HS6ST2: variants seen among roughly 807,000 people sequenced by gnomAD.
The protein encoded by HS6ST2 is heparan-sulfate 6-O-sulfotransferase 2.
In HS6ST2, 17 loss-of-function variants were observed where a neutral mutation model predicts 33.0. That is an observed-to-expected ratio of 0.52 (90% CI 0.35 to 0.77). The LOEUF is 0.77. Ranked by LOEUF, HS6ST2 falls within the 30% of genes least tolerant of loss-of-function variation. The pLI is 0.01. For missense variants in HS6ST2, 519 were observed against 551.7 expected (o/e 0.94, Z 0.59); for synonymous variants, 248 against 237.1 (o/e 1.05, Z -0.42).
At chrX:132,897,510 G>T (rs1268356273) in intron 2 of HS6ST2, among the ~76,000 whole-genome samples, 2 of 111,482 alleles carry the variant, frequency 1.8e-5, no homozygotes, top group African/African-American at 6.5e-5. Flanking sequence ...AATAGTAATA[G>T]CACCCACCTC....
intron 3 of HS6ST2, among the ~76,000 whole-genome samples, chrX:132,686,743 G>C (rs2064018987): frequency 9.0e-6 from 1 of 111,519 alleles, no homozygotes; most frequent in Admixed American, 9.5e-5. Flanking sequence ...AGTGGGAAAT[G>C]GCAGAGTACA....
At chrX:132,684,635 T>C (rs886087223) in intron 3 of HS6ST2, among the ~76,000 whole-genome samples, 1 of 110,905 alleles carries the variant, frequency 9.0e-6, no homozygotes, top group Non-Finnish European at 1.9e-5. Flanking sequence ...CCTTGTACCA[T>C]TGCATTTGGG....
intron 2 of HS6ST2, among the ~76,000 whole-genome samples, chrX:132,913,448 C>G (rs996073524): frequency 2.7e-5 from 3 of 112,718 alleles, no homozygotes; most frequent in African/African-American, 9.6e-5. Flanking sequence ...AGGTTGTTGG[C>G]ATCCCTGTTC....
chrX:132,913,309 C>T (rs1001894551), intron 2 of HS6ST2, among the ~76,000 whole-genome samples: 3 of 112,310 alleles, frequency 2.7e-5, no homozygotes, highest in African/African-American at 3.2e-5. Flanking sequence ...CCAGCCTAGC[C>T]CTGGGGCTGC....
At chrX:132,803,417 TTTA>T (rs1171156452) in intron 2 of HS6ST2, among the ~76,000 whole-genome samples, 2 of 110,935 alleles carry the variant, frequency 1.8e-5, no homozygotes, top group Non-Finnish European at 1.9e-5. Context: ...TTTATTTTAT[TTTA>T]TTATTTGAGT....
intron 2 of HS6ST2, among the ~76,000 whole-genome samples, chrX:132,878,483 C>T (rs756222918): frequency 6.2e-5 from 7 of 112,494 alleles, no homozygotes; most frequent in Admixed American, 5.6e-4. Flanking sequence ...TGGCTGTCTC[C>T]TGCCTCTATC....
At chrX:132,743,972 G>T (rs1021567981) in intron 2 of HS6ST2, among the ~76,000 whole-genome samples, 1 of 110,206 alleles carries the variant, frequency 9.1e-6, no homozygotes, top group African/African-American at 3.3e-5. Flanking sequence ...TGTGTGTGTG[G>T]AGAAACGGGT....
At chrX:132,876,389 G>T (rs2066108795) in intron 2 of HS6ST2, among the ~76,000 whole-genome samples, 1 of 112,131 alleles carries the variant, frequency 8.9e-6, no homozygotes. Context: ...AGTTCTTTCA[G>T]GGGTAGAGCT....
intron 2 of HS6ST2, among the ~76,000 whole-genome samples, chrX:132,845,679 C>T (rs942326399): frequency 3.6e-5 from 4 of 111,018 alleles, no homozygotes; most frequent in Non-Finnish European, 7.6e-5. Context: ...AAATCCCATC[C>T]GGCAACTTGA....
At chrX:132,823,411 T>A (rs1427046203) in intron 2 of HS6ST2, among the ~76,000 whole-genome samples, 4 of 110,703 alleles carry the variant, frequency 3.6e-5, no homozygotes, top group Non-Finnish European at 7.6e-5. Context: ...TAGTTTTTTT[T>A]AATCCCTGGC....
chrX:132,643,340 T>G (rs2063615424), intron 4 of HS6ST2, among the ~76,000 whole-genome samples: 1 of 111,125 alleles, frequency 9.0e-6, no homozygotes, highest in Non-Finnish European at 1.9e-5. Context: ...GTTCCACACC[T>G]CCCTCCATGC....
At chrX:132,872,169 G>A (rs1332681277) in intron 2 of HS6ST2, among the ~76,000 whole-genome samples, 2 of 111,316 alleles carry the variant, frequency 1.8e-5, no homozygotes, top group Admixed American at 9.6e-5. Context: ...GATTCACATC[G>A]GTTGTCCTTT....
intron 3 of HS6ST2, among the ~76,000 whole-genome samples, chrX:132,708,081 G>A (rs913252511): frequency 9.0e-6 from 1 of 110,565 alleles, no homozygotes; most frequent in East Asian, 2.8e-4. Flanking sequence ...ACAGGCAGAC[G>A]TGCCTGAAGC....
In HS6ST2 at chrX:132,832,556, A is replaced by G. The variant is rs901118412; in HGVS notation, c.948-124062T>C. Among the ~76,000 whole-genome samples, 3 of 112,147 alleles carry G rather than the reference A, an allele frequency of 2.7e-5. No individual in the cohort carries two copies. In the Admixed American group the frequency reaches 2.9e-4, roughly 11 times the overall value. ...ACTTTTTAAATTATTTATATTTTCA[A>G]TTCCATGAGCTAAAAAAGTTGGCAT... On this transcript the variant is annotated intron_variant, in intron 2 of 4. Transcript: ENST00000370833.
chrX:132,669,447 G>C (rs1204218133), intron 3 of HS6ST2: 2 of 268,253 alleles, frequency 7.5e-6, no homozygotes, highest in Non-Finnish European at 1.3e-5. Context: ...TTCAAAGCTT[G>C]AGCTCATGGA....
intron 2 of HS6ST2, among the ~76,000 whole-genome samples, chrX:132,732,066 G>A (rs771484868): frequency 8.9e-6 from 1 of 112,055 alleles, no homozygotes; most frequent in South Asian, 3.7e-4. Context: ...ATTTGCATAG[G>A]TGGGATTTCT....
chrX:132,780,021 C>T, intron 2 of HS6ST2, among the ~76,000 whole-genome samples: 1 of 111,309 alleles, frequency 9.0e-6, no homozygotes, highest in Non-Finnish European at 1.9e-5. Context: ...AGCTGCATTT[C>T]TCACAGGAGT....
Position 132,958,242 on chromosome X carries a change from C to T in HS6ST2, c.361G>A (p.Ala121Thr). 8.5e-7 allele frequency: 1 copy of T among 1,181,808 alleles called. No individual in the cohort carries two copies. Residue 121 changes from alanine to threonine, a missense_variant, in exon 1 of 5, where the codon GCC becomes ACC. Physicochemically the swap from Ala to Thr is moderately conservative, Grantham distance 58. Coordinates refer to ENST00000370833, the MANE Select transcript of HS6ST2 (RefSeq NM_001394073.1). ...ACGTGCTTCAGCGAGTGGCCCAGGG[C>T]GGCCAGGCCCCGAGTGAGCAGGGCC... ...CRALLTRGLA[A>T]LGHSLKHVLG...
chrX:132,672,088 C>A (rs2063885989), intron 3 of HS6ST2, among the ~76,000 whole-genome samples: 1 of 111,647 alleles, frequency 9.0e-6, no homozygotes, highest in Non-Finnish European at 1.9e-5. Flanking sequence ...ATATCAAGGA[C>A]ACTGCAGTTT....
Sources: gnomAD v4.1 joint callset for allele counts (sites outside exome capture counted in the v4.1 genomes callset) on GRCh38, gnomAD v4.1.1 for gene constraint, MANE v1.5 for transcripts, NCBI Gene and HGNC (gene_info 2026-07-23, HGNC 2026-07-21) for gene names.